The following ANO10 variants were observed in gnomAD, a reference collection of about 807,000 sequenced individuals.
ANO10 encodes anoctamin-10.
Under a neutral mutation model 74.7 loss-of-function variants are expected in ANO10, and 77 were observed. That is an observed-to-expected ratio of 1.03 (90% CI 0.86 to 1.25). The LOEUF is 1.25. ANO10 is among the 50% of genes most tolerant of loss of function. The pLI, the probability that ANO10 is intolerant of heterozygous loss-of-function variation, is 0.00. For missense variants in ANO10, 721 were observed against 778.1 expected (o/e 0.93, Z 0.87); for synonymous variants, 279 against 284.9 (o/e 0.98, Z 0.21).
In ANO10 at chr3:43,432,672, C is replaced by T. The variant is rs778038012; in HGVS notation, c.1853G>A (p.Arg618Gln). 5.6e-6 allele frequency: 9 copies of T among 1,613,744 alleles called. No homozygotes were observed. Among genetic ancestry groups the T allele is most frequent in the African/African-American group, 2.7e-5 (2 of 74,866 alleles). ...TCTGGCTAGTTTCATCTGGATATGC[C>T]GTGGCTTATCAGGTATGGCAAATGC... ...ILAFAIPDKP[R>Q]HIQMKLARLE... is the part of the protein sequence containing the mutation. Residue 618 changes from arginine (R) to glutamine (Q), a missense_variant, in exon 12 of 13, where the codon CGG becomes CAG. Arg to Gln is a conservative substitution (Grantham distance 43). Transcript: ENST00000292246.
At chr3:43,494,290 C>A (rs1202432018) in intron 11 of ANO10, among the ~76,000 whole-genome samples, 8 of 152,032 alleles carry the variant, frequency 5.3e-5, no homozygotes, top group Admixed American at 2.0e-4. Flanking sequence ...CCCGTCTGTA[C>A]TACAAATACA....
intron 7 of ANO10, among the ~76,000 whole-genome samples, chr3:43,569,126 A>T (rs1309829881): frequency 1.3e-5 from 2 of 149,430 alleles, no homozygotes; most frequent in Non-Finnish European, 3.0e-5. Flanking sequence ...CTCTCCCAAG[A>T]CTAAACCAAG....
intron 1 of ANO10, among the ~76,000 whole-genome samples, chr3:43,609,571 G>C (rs1252099554): frequency 6.6e-6 from 1 of 152,180 alleles, no homozygotes; most frequent in African/African-American, 2.4e-5. Flanking sequence ...GACAAAGACA[G>C]TTCTGAGAAA....
intron 4 of ANO10, among the ~76,000 whole-genome samples, chr3:43,584,668 A>G (rs1232882107): frequency 6.6e-6 from 1 of 152,106 alleles, no homozygotes; most frequent in Non-Finnish European, 1.5e-5. Context: ...CCCAAGCATA[A>G]CATTTGGCAT....
intron 12 of ANO10, among the ~76,000 whole-genome samples, chr3:43,421,552 T>C (rs2092820231): frequency 2.0e-5 from 3 of 150,946 alleles, no homozygotes; most frequent in African/African-American, 2.4e-5. Flanking sequence ...GAACTGGGCA[T>C]GGTGGCTCAT....
At chr3:43,428,287 T>C (rs2092927730) in intron 12 of ANO10, among the ~76,000 whole-genome samples, 1 of 152,030 alleles carries the variant, frequency 6.6e-6, no homozygotes, top group South Asian at 2.1e-4. Context: ...TGACCTCAAC[T>C]GATCCACCCA....
intron 11 of ANO10, among the ~76,000 whole-genome samples, chr3:43,445,793 G>A (rs1036625749): frequency 3.3e-5 from 5 of 152,086 alleles, no homozygotes; most frequent in African/African-American, 2.4e-5. Context: ...TCTGCTTGCC[G>A]AGCTCAAGTG....
chr3:43,592,496 T>C (rs1412066824), intron 4 of ANO10, among the ~76,000 whole-genome samples: 3 of 152,154 alleles, frequency 2.0e-5, no homozygotes, highest in South Asian at 2.1e-4. Context: ...GGGTCTGGAG[T>C]GGACCTCCAG....
intron 1 of ANO10, among the ~76,000 whole-genome samples, chr3:43,684,588 C>G (rs2084249353): frequency 6.6e-6 from 1 of 152,108 alleles, no homozygotes; most frequent in South Asian, 2.1e-4. Context: ...TAGGTATATA[C>G]CCATAGGATT....
intron 12 of ANO10, among the ~76,000 whole-genome samples, chr3:43,410,498 A>G (rs2092647877): frequency 6.6e-6 from 1 of 152,200 alleles, no homozygotes; most frequent in South Asian, 2.1e-4. Context: ...CTGGCCCTGT[A>G]TCTGATTCTG....
chr3:43,377,999 C>A (rs2091858223), intron 12 of ANO10, among the ~76,000 whole-genome samples: 1 of 152,150 alleles, frequency 6.6e-6, no homozygotes, highest in South Asian at 2.1e-4. Context: ...GCAGTCCCGA[C>A]TCATGGAGTA....
At chr3:43,551,151 G>C (rs929256092) in intron 10 of ANO10, among the ~76,000 whole-genome samples, 11 of 152,174 alleles carry the variant, frequency 7.2e-5, no homozygotes, top group African/African-American at 2.7e-4. Context: ...ATTACAAACA[G>C]TGCTACAATT....
At chr3:43,568,837 GA>G (rs1166455469) in intron 7 of ANO10, among the ~76,000 whole-genome samples, 2 of 148,104 alleles carry the variant, frequency 1.4e-5, no homozygotes, top group Non-Finnish European at 3.0e-5. Flanking sequence ...ACTAAAATCA[GA>G]GCAGAACTGA....
In ANO10 at chr3:43,566,532, A is replaced by C. The variant is rs894137313; in HGVS notation, c.1219-805T>G. On this transcript the variant is annotated intron_variant, in intron 7 of 12. Coordinates refer to ENST00000292246, the MANE Select transcript of ANO10 (RefSeq NM_018075.5). ...TCTTCAAGTGGGTCCCTGACCCCTGACCCCCGAGCAGCCTAACTGGGAGGC... is the reference window on the plus strand; with the variant it reads ...TCTTCAAGTGGGTCCCTGACCCCTGCCCCCCGAGCAGCCTAACTGGGAGGC... Among the ~76,000 whole-genome samples the C allele has an allele frequency of 2.0e-4, 31 of 152,164 alleles. 1 individual carries two copies. The East Asian group carries it at 5.4e-3, about 27-fold the overall frequency.
chr3:43,651,044 A>G (rs751432751), intron 1 of ANO10, among the ~76,000 whole-genome samples: 2 of 152,176 alleles, frequency 1.3e-5, no homozygotes, highest in African/African-American at 2.4e-5. Context: ...GTTCCTTTCA[A>G]TTAATCTGTT....
At chr3:43,546,285 T>C (rs1424464546) in intron 11 of ANO10, among the ~76,000 whole-genome samples, 1 of 152,124 alleles carries the variant, frequency 6.6e-6, no homozygotes, top group Non-Finnish European at 1.5e-5. Context: ...AAATACACAC[T>C]GAAACAGCCA....
intron 12 of ANO10, among the ~76,000 whole-genome samples, chr3:43,373,801 G>A (rs1302035124): frequency 3.3e-5 from 5 of 152,082 alleles, no homozygotes; most frequent in South Asian, 2.1e-4. Context: ...ACCAACCAAC[G>A]CTACAGGCCA....
intron 1 of ANO10, among the ~76,000 whole-genome samples, chr3:43,658,709 T>A (rs1021570201): frequency 3.4e-4 from 52 of 152,052 alleles, no homozygotes; most frequent in Admixed American, 2.8e-3. Context: ...ACTTCATGAT[T>A]CGCCCACCTT....
chr3:43,436,983 A>G (rs977980575), intron 11 of ANO10, among the ~76,000 whole-genome samples: 3 of 152,228 alleles, frequency 2.0e-5, no homozygotes, highest in Non-Finnish European at 4.4e-5. Flanking sequence ...CGACTGAACA[A>G]AAGGAGTGCC....
Sources: allele counts gnomAD v4.1 joint callset (sites outside exome capture counted in the v4.1 genomes callset), GRCh38; gene constraint gnomAD v4.1.1; transcripts MANE v1.5; gene names NCBI Gene and HGNC (gene_info 2026-07-23, HGNC 2026-07-21).